The following DPYSL5 variants were observed in gnomAD, a reference collection of about 807,000 sequenced individuals.
DPYSL5 encodes the protein dihydropyrimidinase like 5.
In DPYSL5, 9 loss-of-function variants were observed where a neutral mutation model predicts 58.4. That is an observed-to-expected ratio of 0.15 (90% CI 0.09 to 0.27). The LOEUF (loss-of-function observed/expected upper bound fraction) is 0.27. DPYSL5 is among the 10% of genes least tolerant of loss of function. DPYSL5 has a pLI of 1.00. For missense variants in DPYSL5, 499 were observed against 770.6 expected, an observed-to-expected ratio of 0.65 and a Z score of 4.17; for synonymous variants, 293 against 301.9, an observed-to-expected ratio of 0.97 and a Z score of 0.31.
intron 2 of DPYSL5, among the ~76,000 whole-genome samples, chr2:26,914,736 T>C (rs1247279713): frequency 2.6e-5 from 4 of 152,094 alleles, no homozygotes; most frequent in Non-Finnish European, 5.9e-5. Context: ...CAGGCTGAAA[T>C]CAGGGCTTCC....
chr2:26,898,685 C>T lies in DPYSL5; in HGVS notation c.186C>T (p.Gly62=). 1.2e-6 allele frequency: 2 copies of T among 1,614,210 alleles called. No individual in the cohort carries two copies. Among genetic ancestry groups the T allele is most frequent in the Non-Finnish European group, 1.7e-6 (2 of 1,180,030 alleles). Residue 62 remains glycine, a synonymous_variant, in exon 2 of 13, where the codon GGC becomes GGT. Transcript: ENST00000288699. The surrounding 1 kb of genome is among the most constrained non-coding windows in gnomAD (Gnocchi z 6.1). ...DATGKLVIPG[G]IDTSTHFHQT... ...CAGGAAAACTGGTGATCCCTGGTGGCATCGACACCAGCACCCACTTCCACC... is the reference window on the plus strand; with the variant it reads ...CAGGAAAACTGGTGATCCCTGGTGGTATCGACACCAGCACCCACTTCCACC...
Position 26,933,621 on chromosome 2 carries a change from C to T in DPYSL5, c.790+288C>T, listed in dbSNP as rs184719417. On this transcript the variant is annotated intron_variant, in intron 7 of 12. Transcript: ENST00000288699. The surrounding 1 kb of genome is among the most constrained non-coding windows in gnomAD (Gnocchi z 4.2). ...ACATTTTCCAAGTTTTAAACCCACT[C>T]ATTAATTAGTGTCTTTTTGGCCTCA... Among the ~76,000 whole-genome samples, 64 of 152,338 alleles carry T rather than the reference C, an allele frequency of 4.2e-4. No homozygotes were observed. Among genetic ancestry groups the T allele is most frequent in the African/African-American group, 1.5e-3 (61 of 41,580 alleles).
intron 12 of DPYSL5, 48 bp from the exon 13 acceptor site, chr2:26,946,862 T>C (rs375439263): frequency 2.0e-6 from 3 of 1,506,720 alleles, no homozygotes; most frequent in Non-Finnish European, 2.8e-6. Context: ...TGTGGTTTGT[T>C]AGCAGGCACA....
Position 26,942,693 on chromosome 2 carries a change from C to T in DPYSL5, c.1383C>T (p.Phe461=), listed in dbSNP as rs1167779385. Residue 461 remains phenylalanine, a synonymous_variant, in exon 11 of 13, where the codon TTC becomes TTT. Coordinates refer to ENST00000288699, the MANE Select transcript of DPYSL5 (RefSeq NM_020134.4). The surrounding 1 kb of genome is among the most constrained non-coding windows in gnomAD (Gnocchi z 5.9). ...VFMCAEGTGK[F]CPLRSFPDTV... The stretch of plus-strand genomic sequence containing the variant: ...TGTGCGCCGAGGGCACCGGCAAGTT[C>T]TGTCCCCTGAGGTCCTTCCCAGACA... The T allele has an allele frequency of 5.6e-6, 9 of 1,614,030 alleles. No homozygotes were observed. Among genetic ancestry groups the T allele is most frequent in the Middle Eastern group, 3.3e-4 (2 of 6,074 alleles).
At position 26,934,761 on chromosome 2, in the gene DPYSL5, G is replaced by A; in HGVS notation, c.947+27G>A. 1 of 1,613,106 alleles carries A rather than the reference G, an allele frequency of 6.2e-7. No individual in the cohort carries two copies. The highest frequency in any genetic ancestry group is 1.1e-5 in the South Asian group (1 of 90,896). ...TAAGGCGTTTCAGCAGCACATTGCA[G>A]GGATGTGTACATCTTTAGGAAGACG... On this transcript the variant is annotated intron_variant, in intron 8 of 12. Coordinates refer to ENST00000288699, the MANE Select transcript of DPYSL5 (RefSeq NM_020134.4). This position sits in a 1 kb window ranked among gnomAD's most constrained non-coding sequence, Gnocchi z 4.3.
chr2:26,877,000 T>C (rs1266707498), intron 1 of DPYSL5, among the ~76,000 whole-genome samples: 1 of 137,452 alleles, frequency 7.3e-6, no homozygotes, highest in Non-Finnish European at 1.5e-5. Context: ...GAAGTCTCGC[T>C]CTTGTCCCCT....
chr2:26,900,861 A>G (rs1664140300), intron 2 of DPYSL5, among the ~76,000 whole-genome samples: 1 of 152,046 alleles, frequency 6.6e-6, no homozygotes. Context: ...CCACACTGTC[A>G]CTATGCTGTC....
chr2:26,863,991 A>G (rs1186744202), intron 1 of DPYSL5, among the ~76,000 whole-genome samples: 1 of 152,152 alleles, frequency 6.6e-6, no homozygotes, highest in Non-Finnish European at 1.5e-5. Context: ...ACTTGTAATC[A>G]TAGCACTTTG....
chr2:26,886,564 T>C (rs1663725688), intron 1 of DPYSL5, among the ~76,000 whole-genome samples: 1 of 152,254 alleles, frequency 6.6e-6, no homozygotes, highest in Admixed American at 6.5e-5. Flanking sequence ...AGTTGATAAA[T>C]CAATTATGAA....
chr2:26,889,831 C>T (rs1201652207), intron 1 of DPYSL5, among the ~76,000 whole-genome samples: 1 of 152,202 alleles, frequency 6.6e-6, no homozygotes, highest in African/African-American at 2.4e-5. Context: ...TACACATGTG[C>T]ACACACAGAC....
At chr2:26,889,509 A>G (rs1436089423) in intron 1 of DPYSL5, among the ~76,000 whole-genome samples, 1 of 151,936 alleles carries the variant, frequency 6.6e-6, no homozygotes. Flanking sequence ...TGACCTCATG[A>G]TCCACCTGCC....
rs758701231 is a variant in DPYSL5, at chr2:26,933,785, T to G, written c.790+452T>G. ...GCTTCCTTTTAGCCTCCTGGAACCC[T>G]GTGTATGAGTCCGAGGGGCACTTGT... On this transcript the variant is annotated intron_variant, in intron 7 of 12. Transcript: ENST00000288699. This position sits in a 1 kb window ranked among gnomAD's most constrained non-coding sequence, Gnocchi z 4.2. Among the ~76,000 whole-genome samples the G allele has an allele frequency of 6.6e-6, 1 of 152,144 alleles. No homozygotes were observed.
intron 2 of DPYSL5, among the ~76,000 whole-genome samples, chr2:26,908,052 A>G (rs1664343899): frequency 6.6e-6 from 1 of 152,180 alleles, no homozygotes; most frequent in Non-Finnish European, 1.5e-5. Context: ...CTGTTCCTCC[A>G]TTGTCGTATG....
chr2:26,886,064 G>A (rs566774062), intron 1 of DPYSL5, among the ~76,000 whole-genome samples: 3 of 152,242 alleles, frequency 2.0e-5, no homozygotes, highest in East Asian at 1.9e-4. Flanking sequence ...GTGGGCATTC[G>A]GATGGTATTA....
At chr2:26,935,580 T>C (rs1003233807) in intron 8 of DPYSL5, among the ~76,000 whole-genome samples, 77 of 151,008 alleles carry the variant, frequency 5.1e-4, no homozygotes, top group Non-Finnish European at 8.3e-4. Flanking sequence ...TCCCAGCTAC[T>C]TGGGAGGCTG....
intron 1 of DPYSL5, among the ~76,000 whole-genome samples, chr2:26,853,003 G>A (rs1270785467): frequency 2.0e-5 from 3 of 152,182 alleles, no homozygotes; most frequent in Non-Finnish European, 4.4e-5. Flanking sequence ...ATGGCAAGTT[G>A]CTGTAGGGAT....
chr2:26,854,586 T>C (rs1363270482), intron 1 of DPYSL5, among the ~76,000 whole-genome samples: 4 of 152,202 alleles, frequency 2.6e-5, no homozygotes, highest in Non-Finnish European at 4.4e-5. Flanking sequence ...AACTAAATAA[T>C]TTAGCAATAG....
chr2:26,853,188 C>A (rs2148102247), intron 1 of DPYSL5, among the ~76,000 whole-genome samples: 1 of 152,288 alleles, frequency 6.6e-6, no homozygotes, highest in South Asian at 2.1e-4. Context: ...GTGACCTCAG[C>A]TTTGCTGCAT....
chr2:26,906,144 A>AT (rs1486082447), intron 2 of DPYSL5, among the ~76,000 whole-genome samples: 4 of 151,248 alleles, frequency 2.6e-5, no homozygotes, highest in Admixed American at 6.6e-5. Context: ...CCTGTTTCAA[A>AT]TCTCTGACTA....
Sources: allele counts gnomAD v4.1 joint callset (sites outside exome capture counted in the v4.1 genomes callset), GRCh38; gene constraint gnomAD v4.1.1; non-coding constraint Gnocchi (gnomAD v3.1); transcripts MANE v1.5; gene names NCBI Gene and HGNC (gene_info 2026-07-23, HGNC 2026-07-21).